GABBR2: variants seen among roughly 807,000 people sequenced by gnomAD.
The protein encoded by GABBR2 is gamma-aminobutyric acid type B receptor subunit 2.
In GABBR2, 23 loss-of-function variants were observed where a neutral mutation model predicts 105.6. The ratio of observed to expected loss-of-function variants is 0.22; its 90% CI spans 0.16 to 0.31. The LOEUF is 0.31. Among genes scored for constraint, GABBR2 ranks in the 10% least tolerant of loss-of-function variants. GABBR2 has a pLI of 1.00. For missense variants in GABBR2, 734 were observed against 1,245.5 expected, an observed-to-expected ratio of 0.59 and a Z score of 6.18; for synonymous variants, 478 against 499.7, an observed-to-expected ratio of 0.96 and a Z score of 0.58.
intron 1 of GABBR2, among the ~76,000 whole-genome samples, chr9:98,642,176 A>C (rs554210045): frequency 6.6e-6 from 1 of 152,312 alleles, no homozygotes; most frequent in South Asian, 2.1e-4. Context: ...TAAATAGTTC[A>C]TCAACAACCA....
chr9:98,607,329 T>G, intron 1 of GABBR2: 1 of 773,332 alleles, frequency 1.3e-6, no homozygotes, highest in Non-Finnish European at 2.4e-6. Context: ...TCATTGCTCC[T>G]TCAGGACATG....
chr9:98,316,154 G>GC (rs536142987), intron 13 of GABBR2, among the ~76,000 whole-genome samples: 3 of 128,344 alleles, frequency 2.3e-5, no homozygotes, highest in African/African-American at 7.9e-5. Flanking sequence ...TTTTCAACTG[G>GC]CTTTTTTTTT....
At chr9:98,320,647 C>T (rs537104852) in intron 13 of GABBR2, among the ~76,000 whole-genome samples, 55 of 152,136 alleles carry the variant, frequency 3.6e-4, no homozygotes, top group African/African-American at 1.3e-3. Flanking sequence ...ACTGTGCAGC[C>T]TTAAAAAATG....
chr9:98,494,542 T>C (rs1298690531), intron 4 of GABBR2, among the ~76,000 whole-genome samples: 2 of 152,108 alleles, frequency 1.3e-5, no homozygotes, highest in African/African-American at 4.8e-5. Flanking sequence ...GGCCATGACA[T>C]TGCCCAGACC....
At chr9:98,337,709 G>T (rs1371511184) in intron 13 of GABBR2, among the ~76,000 whole-genome samples, 2 of 152,172 alleles carry the variant, frequency 1.3e-5, no homozygotes, top group African/African-American at 4.8e-5. Flanking sequence ...TTCAACATGG[G>T]TTACAAGACT....
At chr9:98,406,221 A>G in intron 7 of GABBR2, 80 bp from the exon 8 acceptor site, 1 of 737,612 alleles carries the variant, frequency 1.4e-6, no homozygotes. Context: ...TCTCACAGCA[A>G]TTCATTAACT....
chr9:98,676,962 A>T (rs183742235), intron 1 of GABBR2, among the ~76,000 whole-genome samples: 2 of 152,332 alleles, frequency 1.3e-5, no homozygotes. Flanking sequence ...CTCTGTGGGC[A>T]CAGAAGTCTC....
At chr9:98,696,060 G>T (rs769715672) in intron 1 of GABBR2, among the ~76,000 whole-genome samples, 1 of 152,192 alleles carries the variant, frequency 6.6e-6, no homozygotes. Context: ...GAGACCAATA[G>T]GGATCAAATA....
intron 13 of GABBR2, among the ~76,000 whole-genome samples, chr9:98,339,539 G>A (rs1475479565): frequency 1.3e-5 from 2 of 152,164 alleles, no homozygotes; most frequent in South Asian, 2.1e-4. Context: ...AAGAGATGAC[G>A]GTGGTGTGGA....
chr9:98,580,380 G>T (rs922311184), intron 1 of GABBR2, among the ~76,000 whole-genome samples: 3 of 151,932 alleles, frequency 2.0e-5, no homozygotes, highest in African/African-American at 7.3e-5. Flanking sequence ...TTGTTCACTT[G>T]TAGATTGACT....
chr9:98,339,284 CAAA>C (rs9299286), intron 13 of GABBR2, among the ~76,000 whole-genome samples: 1,538 of 133,664 alleles, frequency 0.012, 16 homozygotes, highest in Middle Eastern at 0.02. Flanking sequence ...AATTATATCT[CAAA>C]AAAAAAAAAA....
At chr9:98,401,739 G>A in intron 8 of GABBR2, among the ~76,000 whole-genome samples, 1 of 152,214 alleles carries the variant, frequency 6.6e-6, no homozygotes, top group Non-Finnish European at 1.5e-5. Context: ...GAGTCTCAAA[G>A]TAGGGTCAAA....
chr9:98,522,817 A>T (rs1037404138), intron 3 of GABBR2, among the ~76,000 whole-genome samples: 1 of 152,218 alleles, frequency 6.6e-6, no homozygotes, highest in South Asian at 2.1e-4. Context: ...TAGTTTCAAA[A>T]TAAAGTGAAC....
At chr9:98,635,778 T>G (rs1366403755) in intron 1 of GABBR2, among the ~76,000 whole-genome samples, 1 of 152,162 alleles carries the variant, frequency 6.6e-6, no homozygotes, top group Non-Finnish European at 1.5e-5. Context: ...GAGATAAGAA[T>G]AGAAGTTGAA....
At chr9:98,452,833 G>A (rs896812570) in intron 7 of GABBR2, among the ~76,000 whole-genome samples, 13 of 152,212 alleles carry the variant, frequency 8.5e-5, no homozygotes, top group African/African-American at 2.7e-4. Flanking sequence ...TATGTAATGT[G>A]TAATCTTTAA....
rs1408318792 is a variant in GABBR2, at chr9:98,367,313, AAAT to A, written c.1770+4148_1770+4150del. Reference sequence around the variant, plus strand: ...TATATGTCAGTAAAAAAAAAAAAAAAAATAAGGGGGCCACTAAAAAAAGTCCAA... The same window carrying A: ...TATATGTCAGTAAAAAAAAAAAAAAAAAGGGGGCCACTAAAAAAAGTCCAA... On this transcript the variant is annotated intron_variant, in intron 12 of 18. Transcript: ENST00000259455. 1.2e-3 allele frequency among the ~76,000 whole-genome samples: 174 copies of A among 149,724 alleles called. 2 individuals carry two copies. In the Middle Eastern group the frequency reaches 0.017, roughly 15 times the overall value.
chr9:98,663,705 T>C (rs930194504), intron 1 of GABBR2, among the ~76,000 whole-genome samples: 14 of 150,030 alleles, frequency 9.3e-5, no homozygotes, highest in Admixed American at 5.3e-4. Context: ...TTTATGGACC[T>C]GAGACATTTT....
intron 7 of GABBR2, among the ~76,000 whole-genome samples, chr9:98,422,737 A>G (rs1015522990): frequency 6.6e-6 from 1 of 151,048 alleles, no homozygotes; most frequent in Non-Finnish European, 1.5e-5. Context: ...CATTAGGTAT[A>G]TCTCCCAATG....
At chr9:98,546,766 A>AAATATTGCAAAAATAAAGTTCAAG (rs1588222267) in intron 2 of GABBR2, among the ~76,000 whole-genome samples, 3 of 130,946 alleles carry the variant, frequency 2.3e-5, no homozygotes, top group East Asian at 2.9e-4. Context: ...TTATCATCTC[A>AAATATTGCAAAAATAAAGTTCAAG]TTGGCCATCT....
Sources: allele counts gnomAD v4.1 joint callset (sites outside exome capture counted in the v4.1 genomes callset), GRCh38; gene constraint gnomAD v4.1.1; transcripts MANE v1.5; gene names NCBI Gene and HGNC (gene_info 2026-07-23, HGNC 2026-07-21).